ULK1: variants seen among roughly 807,000 people sequenced by gnomAD.
ULK1 encodes serine/threonine-protein kinase ULK1.
A neutral mutation model predicts 117.5 loss-of-function variants in ULK1; 48 were observed. The observed-to-expected ratio is 0.41, with a 90% CI of 0.32 to 0.52. ULK1 has a LOEUF of 0.52. Ranked by LOEUF, ULK1 falls within the 20% of genes least tolerant of loss-of-function variation. The probability of loss-of-function intolerance (pLI) is 0.29; values close to 1 mark genes in which losing one functional copy is unlikely to be tolerated. For missense variants in ULK1, 1,387 were observed against 1,473.4 expected (o/e 0.94, Z 0.96); for synonymous variants, 790 against 637.8 (o/e 1.24, Z -3.60).
intron 3 of ULK1, chr12:131,898,090 GC>G (rs961310797): frequency 6.6e-6 from 1 of 152,320 alleles, no homozygotes; most frequent in African/African-American, 2.4e-5. Flanking sequence ...GGCTGTGAGG[GC>G]TGTGTGAGGG....
chr12:131,899,110 C>T (rs1330187853), intron 3 of ULK1, among the ~76,000 whole-genome samples: 2 of 151,636 alleles, frequency 1.3e-5, no homozygotes, highest in African/African-American at 4.8e-5. Flanking sequence ...AACGCCGGAC[C>T]TCACCTTCGA....
chr12:131,896,397 G>A (rs1187273452), intron 3 of ULK1: 1 of 159,134 alleles, frequency 6.3e-6, no homozygotes, highest in Non-Finnish European at 1.4e-5. Context: ...TCCGTGTCCC[G>A]GGGCCCAGGG....
In ULK1 at chr12:131,908,912, G is replaced by A; in HGVS notation, c.505G>A (p.Ala169Thr). The A allele has an allele frequency of 6.2e-7, 1 of 1,611,426 alleles. No homozygotes were observed. Among genetic ancestry groups the A allele is most frequent in the Non-Finnish European group, 8.5e-7 (1 of 1,179,794 alleles). The change falls in exon 7 of 28, where the codon GCG (alanine) becomes ACG (threonine). Residue 169 changes from alanine (A) to threonine (T), a missense_variant. By Grantham distance (58) the Ala-to-Thr change is moderately conservative. Transcript: ENST00000321867. ...CTCTCCCGCAGCTGACTTCGGCTTC[G>A]CGCGGTACCTCCAGAGCAACATGAT... ...IRVKIADFGF[A>T]RYLQSNMMAA...
At position 131,921,226 on chromosome 12, in the gene ULK1, G is replaced by A. The variant is rs143671996; in HGVS notation, c.3088G>A (p.Val1030Ile). Residue 1030 changes from valine to isoleucine, a missense_variant, in exon 27 of 28, where the codon GTC becomes ATC. Physicochemically the swap from Val to Ile is conservative, Grantham distance 29. Around this residue, in one of 4 missense-constraint regions of ULK1, gnomAD observed 900 missense variants for 858.9 expected, o/e 1.05. Transcript: ENST00000321867. The part of the protein sequence containing the change: ...MLSDQADIEN[V>I]TKCKLCIERR... ...CTCGGACCAGGCCGACATCGAGAAC[G>A]TCACCAAGTGTGAGTGCCCGGCTGG... 23 of 1,607,420 alleles carry A rather than the reference G, an allele frequency of 1.4e-5. No individual in the cohort carries two copies. The highest frequency in any genetic ancestry group is 4.5e-5 in the East Asian group (2 of 44,870).
At chr12:131,916,725 T>G in intron 20 of ULK1, 134 bp downstream of exon 20, 1 of 1,251,016 alleles carries the variant, frequency 8.0e-7, no homozygotes, top group Non-Finnish European at 1.1e-6. Context: ...CCAGTGTGGC[T>G]GGGTGCCAGA....
At position 131,908,538 on chromosome 12, in the gene ULK1, C is replaced by T. The variant is rs1032309623; in HGVS notation, c.317-106C>T. ...CGGGGTTTCCTCCCGGCCTGCGGCC[C>T]TGCCTGGCGCTCTCCATCCGTGTGG... On this transcript the variant is annotated intron_variant, in intron 5 of 27. Transcript: ENST00000321867. The T allele has an allele frequency of 1.9e-5, 26 of 1,345,870 alleles. No individual in the cohort carries two copies. In the African/African-American group the frequency reaches 3.9e-4, roughly 20 times the overall value. 83.4% of individuals were successfully genotyped at this position (1,345,870 alleles called of 1,614,324 possible).
At position 131,918,638 on chromosome 12, in the gene ULK1, T is replaced by C. The variant is rs1889970184; in HGVS notation, c.2468T>C (p.Val823Ala). The C allele has an allele frequency of 6.2e-7, 1 of 1,609,244 alleles. No homozygotes were observed. The highest frequency in any genetic ancestry group is 1.7e-5 in the Admixed American group (1 of 59,648). ...DPITANLEGA[V>A]TFEAPDLPEE... is the part of the protein sequence containing the mutation. The stretch of plus-strand genomic sequence containing the variant: ...ATTACTGCGAACCTGGAGGGGGCTG[T>C]GACCTTCGAGGCCCCCGACCTCCCT... The change falls in exon 23 of 28, where the codon GTG becomes GCG. Residue 823 changes from valine to alanine, a missense_variant. This residue lies in a region of ULK1 where 900 missense variants were observed against 858.9 expected (regional missense o/e 1.05). Transcript: ENST00000321867.
intron 3 of ULK1, among the ~76,000 whole-genome samples, 195 bp downstream of exon 3, chr12:131,896,019 G>T (rs1256448235): frequency 6.6e-6 from 1 of 152,190 alleles, no homozygotes; most frequent in Non-Finnish European, 1.5e-5. Flanking sequence ...AGACCGGGGA[G>T]GGGGTGTCTG....
At chr12:131,915,511 G>A in intron 18 of ULK1, 90 bp downstream of exon 18, 1 of 1,447,412 alleles carries the variant, frequency 6.9e-7, no homozygotes, top group South Asian at 1.3e-5. Context: ...CTCTTTCCAA[G>A]TGAAAAGGAG....
At chr12:131,920,204 C>A (rs981254122) in intron 26 of ULK1, 68 bp downstream of exon 26, 8 of 1,559,954 alleles carry the variant, frequency 5.1e-6, no homozygotes, top group Non-Finnish European at 7.0e-6. Flanking sequence ...TCCACTGGGA[C>A]GGGACCTTGA....
chr12:131,913,705 AAAAAAC>A lies in ULK1; in HGVS notation c.1158-36_1158-31del, dbSNP rs755886583. 78 of 1,402,244 alleles carry A rather than the reference AAAAAAC, an allele frequency of 5.6e-5. No individual in the cohort carries two copies. The East Asian group carries it at 1.9e-3, about 34-fold the overall frequency. The allele number at this position is 1,402,244 out of a possible 1,614,324, so 86.9% of individuals were successfully genotyped here. A position where few individuals can be genotyped will look rare whatever the true frequency, so the allele number is the denominator to read the frequency against. On this transcript the variant is annotated intron_variant, in intron 14 of 27. Transcript: ENST00000321867. ...GGGTGACAGAGTGAGACTGCCCCAA[AAAAAAC>A]AAAAAAATGCCCTTGGCCTCCCTTC...
At chr12:131,905,503 G>A (rs1215713464) in intron 3 of ULK1, among the ~76,000 whole-genome samples, 1 of 152,184 alleles carries the variant, frequency 6.6e-6, no homozygotes, top group Non-Finnish European at 1.5e-5. Flanking sequence ...GGTAGAAGTG[G>A]GATGGCCCTA....
chr12:131,919,402 TGG>T lies in ULK1; in HGVS notation c.2684+21_2684+22del. The T allele has an allele frequency of 6.3e-6, 1 of 158,484 alleles. No individual in the cohort carries two copies. The highest frequency in any genetic ancestry group is 1.3e-5 in the Non-Finnish European group (1 of 74,426). The allele number at this position is 158,484 out of a possible 1,614,324, so 9.8% of individuals were successfully genotyped here. On this transcript the variant is annotated intron_variant, in intron 24 of 27. Transcript: ENST00000321867. ...GAATGGGGGTGGGTGCCGCCAGGGC[TGG>T]GGTGGGGCGGGTGGTGGCCTGGGGG...
chr12:131,917,914 C>G (rs577779893), intron 22 of ULK1, among the ~76,000 whole-genome samples: 26 of 152,320 alleles, frequency 1.7e-4, no homozygotes, highest in Non-Finnish European at 1.8e-4. Context: ...GAGCACAGGC[C>G]GTGCAGACAG....
chr12:131,918,504 C>T lies in ULK1; in HGVS notation c.2334C>T (p.Pro778=), dbSNP rs1485384008. 2.2e-5 allele frequency: 35 copies of T among 1,609,602 alleles called. No homozygotes were observed. Among genetic ancestry groups the T allele is most frequent in the Non-Finnish European group, 2.9e-5 (34 of 1,178,682 alleles). ...GPRTRMFSAG[P]TGSASSSARH... is the part of the protein sequence containing the mutation. ...ATCGCCCTCTCCCTGCAGCGGGCCC[C>T]ACTGGCTCTGCCAGCTCTTCTGCCC... Residue 778 remains proline, a synonymous_variant, in exon 23 of 28, where the codon CCC becomes CCT. Transcript: ENST00000321867.
intron 12 of ULK1, among the ~76,000 whole-genome samples, chr12:131,911,078 C>G (rs1051853717): frequency 1.3e-5 from 2 of 152,182 alleles, no homozygotes; most frequent in African/African-American, 4.8e-5. Flanking sequence ...AGCGTGTGGC[C>G]TTGGCCCACT....
Position 131,902,657 on chromosome 12 carries a change from T to C in ULK1, c.247-4235T>C, listed in dbSNP as rs947659799. 2.0e-5 allele frequency among the ~76,000 whole-genome samples: 3 copies of C among 152,172 alleles called. No homozygotes were observed. In the South Asian group the frequency reaches 6.2e-4, roughly 32 times the overall value. ...GCAGCCGTTCCCTGTTTCCTCCCTTTAAATAGGCGGCAAGTTGGGACCCAC... is the reference window on the plus strand; with the variant it reads ...GCAGCCGTTCCCTGTTTCCTCCCTTCAAATAGGCGGCAAGTTGGGACCCAC... On this transcript the variant is annotated intron_variant, in intron 3 of 27. Transcript: ENST00000321867. The surrounding 1 kb of genome is among the most constrained non-coding windows in gnomAD (Gnocchi z 6.3).
chr12:131,898,789 G>A (rs1888974418), intron 3 of ULK1, among the ~76,000 whole-genome samples: 1 of 152,170 alleles, frequency 6.6e-6, no homozygotes, highest in Non-Finnish European at 1.5e-5. Context: ...GAACCACCAT[G>A]CCTGGGCGGT....
Position 131,919,355 on chromosome 12 carries a change from C to T in ULK1, c.2655C>T (p.Asp885=), listed in dbSNP as rs1483405837. 1.2e-5 allele frequency: 19 copies of T among 1,565,210 alleles called. No homozygotes were observed. The highest frequency in any genetic ancestry group is 1.4e-5 in the Non-Finnish European group (16 of 1,155,754). Residue 885 remains aspartate (D), a synonymous_variant, in exon 24 of 28, where the codon GAC becomes GAT. Transcript: ENST00000321867. ...AGCTGCAGGAGAGTGTGGTGGCCGA[C>T]CAGATCAGCCTGCTGAGCCGAGAAT... ...EYQLQESVVA[D]QISLLSREWG...
Sources: gnomAD v4.1 joint callset for allele counts (sites outside exome capture counted in the v4.1 genomes callset) on GRCh38, gnomAD v4.1.1 for gene constraint, gnomAD v4.1.1 regional missense constraint, Gnocchi (gnomAD v3.1) non-coding constraint, MANE v1.5 for transcripts, NCBI Gene and HGNC (gene_info 2026-07-23, HGNC 2026-07-21) for gene names.